DNAH3: variants seen among roughly 807,000 people sequenced by gnomAD.
DNAH3 encodes axonemal beta dynein heavy chain 3.
Under a neutral mutation model 432.5 loss-of-function variants are expected in DNAH3, and 332 were observed. That is an observed-to-expected ratio of 0.77 (90% CI 0.70 to 0.84). The LOEUF (loss-of-function observed/expected upper bound fraction) is 0.84. Ranked by LOEUF, DNAH3 falls within the 40% of genes least tolerant of loss-of-function variation. DNAH3 has a pLI of 0.00. For synonymous variants in DNAH3, 1,956 were observed against 1,900.2 expected (o/e 1.03, Z -0.76); for missense variants, 4,861 against 5,114.0 (o/e 0.95, Z 1.51).
chr16:21,066,076 T>A (rs1286409477), intron 24 of DNAH3, among the ~76,000 whole-genome samples: 2 of 152,052 alleles, frequency 1.3e-5, no homozygotes, highest in African/African-American at 4.8e-5. Flanking sequence ...ATCCGCCCCC[T>A]CGGCCTCCCA....
intron 32 of DNAH3, among the ~76,000 whole-genome samples, chr16:21,041,608 C>A (rs2089445557): frequency 6.6e-6 from 1 of 152,192 alleles, no homozygotes; most frequent in Admixed American, 6.5e-5. Context: ...TTATCACTTC[C>A]ACCCAAGGGG....
At chr16:20,989,994 C>G (rs1212558360) in intron 44 of DNAH3, among the ~76,000 whole-genome samples, 1 of 152,214 alleles carries the variant, frequency 6.6e-6, no homozygotes, top group Admixed American at 6.5e-5. Context: ...AAGCGCCGCG[C>G]GCAGCCCCGG....
rs1321947638 is a variant in DNAH3 at position 20,975,341 on chromosome 16, C to G, written c.8151G>C (p.Met2717Ile). The G allele has an allele frequency of 2.7e-5, 44 of 1,614,088 alleles. No homozygotes were observed. The highest frequency in any genetic ancestry group is 3.6e-5 in the Non-Finnish European group (43 of 1,180,048). Residue 2717 changes from methionine (M) to isoleucine (I), a missense_variant, in exon 51 of 62, where the codon ATG (methionine) becomes ATC (isoleucine). By Grantham distance (10) the Met-to-Ile change is conservative. Coordinates refer to ENST00000261383, the Ensembl canonical transcript of DNAH3. Reference sequence around the variant, plus strand: ...TCGTCTCCGCTTCAATTTTCACCATCATCTTGGCAGTTTCCTCGGAGGTGA... The same window carrying G: ...TCGTCTCCGCTTCAATTTTCACCATGATCTTGGCAGTTTCCTCGGAGGTGA...
At chr16:21,097,452 G>A (rs752096192) in exon 18 of DNAH3, 4 of 1,613,596 alleles carry the variant, frequency 2.5e-6, no homozygotes, top group African/African-American at 2.7e-5. Flanking sequence ...GCAGAAGAGG[G>A]TAAGTACTCT....
intron 53 of DNAH3, among the ~76,000 whole-genome samples, chr16:20,960,451 C>T (rs1424985785): frequency 6.6e-6 from 1 of 152,034 alleles, no homozygotes; most frequent in Non-Finnish European, 1.5e-5. Context: ...TTTGGGAGGC[C>T]GAGACGAGCG....
At chr16:20,943,803 A>T (rs1393811800) in intron 58 of DNAH3, among the ~76,000 whole-genome samples, 1 of 151,636 alleles carries the variant, frequency 6.6e-6, no homozygotes, top group East Asian at 2.0e-4. Context: ...CAATATGATG[A>T]AACACTGTCT....
In DNAH3 at chr16:21,100,737, GA is replaced by G. The variant is rs1339510926; in HGVS notation, c.2367-1969del. On this transcript the variant is annotated intron_variant, in intron 16 of 61. Transcript: ENST00000261383. ...CACTGAGTTGGATGAAATGATGGGG[GA>G]GAGAGGCAATGCTTATTATTCTTCT... Among the ~76,000 whole-genome samples, 26 of 152,284 alleles carry G rather than the reference GA, an allele frequency of 1.7e-4. No individual in the cohort carries two copies. In the East Asian group the frequency reaches 5.0e-3, roughly 29 times the overall value.
intron 28 of DNAH3, 45 bp from the exon 29 acceptor site, chr16:21,051,913 A>C (rs1410453345): frequency 1.3e-6 from 2 of 1,544,110 alleles, no homozygotes; most frequent in Admixed American, 3.3e-5. Flanking sequence ...AGCCATCAGA[A>C]CTCTCCATCT....
intron 32 of DNAH3, among the ~76,000 whole-genome samples, chr16:21,041,747 C>A (rs1383418865): frequency 1.3e-5 from 2 of 152,194 alleles, no homozygotes; most frequent in Non-Finnish European, 2.9e-5. Context: ...CCGGCCACCA[C>A]AACCTCTGCC....
intron 10 of DNAH3, chr16:21,120,886 G>A (rs1366595535): frequency 6.5e-7 from 1 of 1,529,596 alleles, no homozygotes; most frequent in African/African-American, 1.4e-5. Flanking sequence ...CAAATTACAG[G>A]GTCTTTTCTT....
chr16:21,022,158 C>T, intron 39 of DNAH3, 58 bp from the exon 40 acceptor site: 1 of 1,590,700 alleles, frequency 6.3e-7, no homozygotes, highest in Non-Finnish European at 8.6e-7. Flanking sequence ...AGTTGACGAC[C>T]AAGAGCTTGG....
rs186778653 is a variant in DNAH3 at position 21,124,850 on chromosome 16, A to G, written c.1404+325T>C. ...TTTTTAGTAGAGACAGGGTTTCACC[A>G]TGATGGCCAGGCTGGTCTTGAACTT... On this transcript the variant is annotated intron_variant, in intron 9 of 61. Transcript: ENST00000261383. Among the ~76,000 whole-genome samples the G allele has an allele frequency of 1.9e-3, 294 of 152,270 alleles. 1 individual carries two copies. Among genetic ancestry groups the G allele is most frequent in the Middle Eastern group, 3.4e-3 (1 of 294 alleles).
intron 21 of DNAH3, among the ~76,000 whole-genome samples, chr16:21,071,547 T>C (rs946910879): frequency 1.3e-5 from 2 of 152,156 alleles, no homozygotes; most frequent in Admixed American, 6.5e-5. Context: ...TAGGAATCTA[T>C]GTCTTGCAGG....
intron 7 of DNAH3, among the ~76,000 whole-genome samples, chr16:21,132,619 T>C (rs1049778858): frequency 6.6e-6 from 1 of 152,178 alleles, no homozygotes; most frequent in African/African-American, 2.4e-5. Flanking sequence ...ACAATATTGT[T>C]CATTGAAAGA....
intron 1 of DNAH3, among the ~76,000 whole-genome samples, chr16:21,157,706 TC>T: frequency 6.6e-6 from 1 of 152,214 alleles, no homozygotes; most frequent in East Asian, 1.9e-4. Context: ...TCAACACAGG[TC>T]CCTGTCTGGA....
chr16:21,039,497 C>T (rs996928782), intron 33 of DNAH3, among the ~76,000 whole-genome samples: 5 of 152,126 alleles, frequency 3.3e-5, no homozygotes, highest in African/African-American at 4.8e-5. Flanking sequence ...GGATTACAGA[C>T]GTGAGCCACC....
At chr16:21,143,174 T>C (rs564855711) in intron 3 of DNAH3, among the ~76,000 whole-genome samples, 33 of 152,278 alleles carry the variant, frequency 2.2e-4, no homozygotes, top group Non-Finnish European at 4.3e-4. Flanking sequence ...TCACAGATAT[T>C]AATAATTTTG....
At chr16:21,077,410 G>A (rs139971499) in intron 20 of DNAH3, among the ~76,000 whole-genome samples, 1,795 of 152,230 alleles carry the variant, frequency 0.012, 37 homozygotes, top group African/African-American at 0.041. Context: ...TGATCCGCCC[G>A]CCTCGGCCTC....
intron 48 of DNAH3, 140 bp from the exon 49 acceptor site, chr16:20,983,026 G>A: frequency 2.5e-6 from 2 of 794,164 alleles, no homozygotes; most frequent in Non-Finnish European, 2.0e-6. Context: ...ACTGTCAATG[G>A]CCATAATGAG....
Sources: allele counts gnomAD v4.1 joint callset (sites outside exome capture counted in the v4.1 genomes callset), GRCh38; gene constraint gnomAD v4.1.1; transcripts MANE v1.5; gene names NCBI Gene and HGNC (gene_info 2026-07-23, HGNC 2026-07-21).